PSMC6: variants seen among roughly 807,000 people sequenced by gnomAD.
PSMC6 encodes proteasome 26S subunit, ATPase 6, also known as 26S proteasome regulatory subunit 10B.
A neutral mutation model predicts 55.9 loss-of-function variants in PSMC6; 3 were observed. The ratio of observed to expected loss-of-function variants is 0.05; its 90% CI spans 0.02 to 0.14. The LOEUF is 0.14. Ranked by LOEUF, PSMC6 falls within the 10% of genes least tolerant of loss-of-function variation. PSMC6 has a pLI of 1.00. For synonymous variants in PSMC6, 137 were observed against 155.9 expected, an observed-to-expected ratio of 0.88 and a Z score of 0.90; for missense variants, 210 against 478.7, an observed-to-expected ratio of 0.44 and a Z score of 5.24.
intron 7 of PSMC6, among the ~76,000 whole-genome samples, chr14:52,714,877 AAAAAAAAAAAAT>A (rs1294532488): frequency 6.6e-6 from 1 of 151,340 alleles, no homozygotes. Context: ...AAAAAAAAAA[AAAAAAAAAAAAT>A]TTTTTTATAT....
intron 13 of PSMC6, among the ~76,000 whole-genome samples, chr14:52,724,688 T>C (rs1880332930): frequency 1.3e-5 from 2 of 152,262 alleles, no homozygotes; most frequent in East Asian, 3.8e-4. Context: ...TTTTCACTTC[T>C]ACATGGTATG....
At chr14:52,723,265 A>G (rs1880272042) in intron 12 of PSMC6, 1 of 152,292 alleles carries the variant, frequency 6.6e-6, no homozygotes, top group South Asian at 2.1e-4. Flanking sequence ...CAAACGGTGC[A>G]TCATCAAAGT....
chr14:52,714,890 T>TAAAA (rs1227815294), intron 7 of PSMC6, among the ~76,000 whole-genome samples: 3 of 115,478 alleles, frequency 2.6e-5, no homozygotes, highest in Admixed American at 9.3e-5. Flanking sequence ...AAAAAAAAAT[T>TAAAA]TTTTTATATA....
intron 7 of PSMC6, among the ~76,000 whole-genome samples, chr14:52,715,375 A>G (rs1238773832): frequency 2.0e-5 from 3 of 152,142 alleles, no homozygotes; most frequent in African/African-American, 7.2e-5. Flanking sequence ...TGAATGGACC[A>G]TTTACAGATA....
chr14:52,722,217 A>C (rs1157458134), intron 12 of PSMC6: 3 of 152,296 alleles, frequency 2.0e-5, no homozygotes, highest in African/African-American at 7.2e-5. Context: ...GTGAAAGCCT[A>C]TTTCAGATGG....
chr14:52,708,251 G>T, intron 1 of PSMC6, 58 bp from the exon 2 acceptor site: 2 of 1,428,164 alleles, frequency 1.4e-6, no homozygotes, highest in South Asian at 1.2e-5. Flanking sequence ...GAGACGTAGC[G>T]ACTTAAACAC....
At chr14:52,722,515 C>G (rs549781245) in intron 12 of PSMC6, 3 of 151,938 alleles carry the variant, frequency 2.0e-5, no homozygotes, top group African/African-American at 7.2e-5. Context: ...TACATAGATG[C>G]TTATGATGAC....
chr14:52,726,004 T>C (rs1161877537), intron 13 of PSMC6, among the ~76,000 whole-genome samples: 2 of 152,260 alleles, frequency 1.3e-5, no homozygotes, highest in Non-Finnish European at 2.9e-5. Context: ...TGTTTCCTTA[T>C]GTAGAAATCT....
At position 52,718,385 on chromosome 14, in the gene PSMC6, A is replaced by T. The variant is rs146044422; in HGVS notation, c.715+33A>T. On this transcript the variant is annotated intron_variant, in intron 9 of 13. Transcript: ENST00000445930. Reference sequence around the variant, plus strand: ...TAACACCCTTGTTGAAAGTTTTAGGACTTTTTTTTAAATGTAAAAGAACCT... The same window carrying T: ...TAACACCCTTGTTGAAAGTTTTAGGTCTTTTTTTTAAATGTAAAAGAACCT... The T allele has an allele frequency of 1.6e-5, 26 of 1,585,100 alleles. No individual in the cohort carries two copies. In the African/African-American group the frequency reaches 3.0e-4, roughly 18 times the overall value.
intron 12 of PSMC6, 85 bp from the exon 13 acceptor site, chr14:52,723,880 C>A: frequency 1.3e-6 from 2 of 1,556,730 alleles, no homozygotes; most frequent in Non-Finnish European, 1.7e-6. Context: ...TCAAAGTAAG[C>A]TCTTCAGTTT....
intron 9 of PSMC6, 85 bp from the exon 10 acceptor site, chr14:52,718,892 C>A (rs1261424917): frequency 5.8e-6 from 6 of 1,032,238 alleles, no homozygotes; most frequent in Non-Finnish European, 8.9e-6. Context: ...TGTTTTAAGC[C>A]ACAGACTGTT....
At chr14:52,716,387 T>C (rs1289462206) in intron 7 of PSMC6, among the ~76,000 whole-genome samples, 1 of 152,190 alleles carries the variant, frequency 6.6e-6, no homozygotes, top group Non-Finnish European at 1.5e-5. Context: ...ATAGCTGCAC[T>C]CCCATGATTA....
At chr14:52,723,913 T>C (rs541589851) in intron 12 of PSMC6, 52 bp from the exon 13 acceptor site, 17 of 1,600,634 alleles carry the variant, frequency 1.1e-5, no homozygotes, top group African/African-American at 1.3e-5. Context: ...TGGGCATAAA[T>C]CAAGTAAAGG....
intron 12 of PSMC6, chr14:52,722,477 CTT>C (rs1468245540): frequency 6.7e-6 from 1 of 150,226 alleles, no homozygotes. Context: ...TATATGTGTA[CTT>C]TTATGAGACT....
chr14:52,721,675 AGG>A (rs1393823762), intron 12 of PSMC6: 1 of 152,830 alleles, frequency 6.5e-6, no homozygotes, highest in African/African-American at 2.4e-5. Flanking sequence ...AAAAAAGAAA[AGG>A]GGGATAGGAA....
At chr14:52,718,751 A>C in intron 9 of PSMC6, 4 of 509,490 alleles carry the variant, frequency 7.9e-6, no homozygotes. Flanking sequence ...ACACCACTGC[A>C]CTCCAGCCTG....
rs375675967 is a variant in PSMC6 at position 52,714,848 on chromosome 14, AGAGT to A, written c.529+884_529+887del. Among the ~76,000 whole-genome samples the A allele has an allele frequency of 5.6e-3, 792 of 141,360 alleles. 7 individuals are homozygous for A. Among genetic ancestry groups the A allele is most frequent in the African/African-American group, 0.019 (717 of 38,018 alleles). 92.7% of individuals were successfully genotyped at this position (141,360 alleles called of 152,430 possible). On this transcript the variant is annotated intron_variant, in intron 7 of 13. Transcript: ENST00000445930. ...CCCACTGCACTCCAGCCTGGCTGAC[AGAGT>A]GAGACTCCTTCTCAAAAAAAAAAAA...
At chr14:52,726,903 A>G (rs1379394804) in intron 13 of PSMC6, among the ~76,000 whole-genome samples, 1 of 152,110 alleles carries the variant, frequency 6.6e-6, no homozygotes, top group Non-Finnish European at 1.5e-5. Context: ...TGGCCTCCCA[A>G]AGTGTTGGGA....
intron 6 of PSMC6, among the ~76,000 whole-genome samples, chr14:52,713,064 C>G (rs1253909683): frequency 4.6e-5 from 7 of 152,118 alleles, no homozygotes; most frequent in Non-Finnish European, 8.8e-5. Flanking sequence ...AACCCCATCT[C>G]TTCTAAAAGT....
Sources: gnomAD v4.1 joint callset for allele counts (sites outside exome capture counted in the v4.1 genomes callset) on GRCh38, gnomAD v4.1.1 for gene constraint, MANE v1.5 for transcripts, NCBI Gene and HGNC (gene_info 2026-07-23, HGNC 2026-07-21) for gene names.